Variants in BBS9 observed in about 807,000 individuals in gnomAD.
BBS9 encodes protein PTHB1.
BBS9 carries 89 observed loss-of-function variants against 117.7 expected under a neutral mutation model. The ratio of observed to expected loss-of-function variants is 0.76; its 90% confidence interval spans 0.64 to 0.90. The LOEUF (loss-of-function observed/expected upper bound fraction) is 0.90. Among genes scored for constraint, BBS9 ranks in the 40% least tolerant of loss-of-function variants. The probability of loss-of-function intolerance (pLI) is 0.00; values close to 1 mark genes in which losing one functional copy is unlikely to be tolerated. For synonymous variants in BBS9, 379 were observed against 370.9 expected, an observed-to-expected ratio of 1.02 and a Z score of -0.25; for missense variants, 982 against 1,042.2, an observed-to-expected ratio of 0.94 and a Z score of 0.80.
At chr7:33,612,637 T>C (rs1223695128) in intron 21 of BBS9, among the ~76,000 whole-genome samples, 2 of 152,070 alleles carry the variant, frequency 1.3e-5, no homozygotes, top group Non-Finnish European at 2.9e-5. Flanking sequence ...GCTCATGTCA[T>C]CTCTCCCTTA....
At chr7:33,470,852 G>T (rs1489269990) in intron 19 of BBS9, among the ~76,000 whole-genome samples, 1 of 152,112 alleles carries the variant, frequency 6.6e-6, no homozygotes, top group African/African-American at 2.4e-5. Flanking sequence ...CATTCAGGGG[G>T]GTGTCCTGGG....
chr7:33,541,551 A>G (rs577649288), intron 21 of BBS9, among the ~76,000 whole-genome samples: 2 of 152,242 alleles, frequency 1.3e-5, no homozygotes, highest in Non-Finnish European at 2.9e-5. Context: ...AATAATCCAA[A>G]TATCCATCAA....
At chr7:33,471,901 C>A (rs1012908294) in intron 19 of BBS9, among the ~76,000 whole-genome samples, 1 of 152,186 alleles carries the variant, frequency 6.6e-6, no homozygotes, top group African/African-American at 2.4e-5. Context: ...GCTGGTAGAG[C>A]AGACTGGTAA....
intron 20 of BBS9, among the ~76,000 whole-genome samples, chr7:33,527,702 C>T (rs560266061): frequency 8.5e-5 from 13 of 152,334 alleles, no homozygotes; most frequent in Non-Finnish European, 1.3e-4. Flanking sequence ...AGAAATCACC[C>T]GTCTTCTGCG....
At chr7:33,225,579 T>C (rs1051336582) in intron 5 of BBS9, among the ~76,000 whole-genome samples, 4 of 152,192 alleles carry the variant, frequency 2.6e-5, no homozygotes, top group Non-Finnish European at 5.9e-5. Context: ...TCAACCCTTT[T>C]GACATAGCTT....
At chr7:33,585,728 C>T (rs1860776740) in intron 21 of BBS9, among the ~76,000 whole-genome samples, 1 of 151,950 alleles carries the variant, frequency 6.6e-6, no homozygotes, top group Non-Finnish European at 1.5e-5. Context: ...GGTTCATCAC[C>T]CCTCAAAACC....
At chr7:33,256,662 G>T (rs1385293811) in intron 5 of BBS9, among the ~76,000 whole-genome samples, 1 of 151,982 alleles carries the variant, frequency 6.6e-6, no homozygotes, top group African/African-American at 2.4e-5. Context: ...TGATATTCAA[G>T]GTAATAAAGA....
intron 21 of BBS9, among the ~76,000 whole-genome samples, chr7:33,550,473 T>G (rs1273842181): frequency 6.6e-6 from 1 of 152,190 alleles, no homozygotes; most frequent in Non-Finnish European, 1.5e-5. Flanking sequence ...ACACAACAAT[T>G]TGGCCTATTC....
At chr7:33,440,656 A>G (rs149687488) in intron 19 of BBS9, among the ~76,000 whole-genome samples, 67 of 152,346 alleles carry the variant, frequency 4.4e-4, no homozygotes, top group African/African-American at 1.5e-3. Context: ...CAAGTCATTT[A>G]TTAAGAACCT....
rs575461295 is a variant in BBS9, at chr7:33,210,026, T to TA, written c.442+32436dup. ...TTTATTCTTTTTTGATGTAGGCACT[T>TA]ATAGCTATAAAATTTCCTTTTAGTA... On this transcript the variant is annotated intron_variant, in intron 5 of 22. Transcript: ENST00000242067. Among the ~76,000 whole-genome samples the TA allele has an allele frequency of 6.3e-4, 96 of 152,324 alleles. 1 individual carries two copies. In the East Asian group the frequency reaches 7.5e-3, roughly 12 times the overall value.
intron 20 of BBS9, among the ~76,000 whole-genome samples, chr7:33,506,012 C>T (rs965749609): frequency 6.6e-6 from 1 of 152,180 alleles, no homozygotes; most frequent in African/African-American, 2.4e-5. Flanking sequence ...TTAATTTGCT[C>T]AACCTTCTTA....
At chr7:33,577,304 C>T (rs1859076310) in intron 21 of BBS9, among the ~76,000 whole-genome samples, 1 of 152,176 alleles carries the variant, frequency 6.6e-6, no homozygotes, top group African/African-American at 2.4e-5. Flanking sequence ...TGAAAAAATG[C>T]TCATCATCAC....
intron 5 of BBS9, among the ~76,000 whole-genome samples, chr7:33,208,795 T>C (rs2128222193): frequency 1.5e-5 from 1 of 64,912 alleles, no homozygotes; most frequent in East Asian, 3.3e-4. Flanking sequence ...TTCAGGAAAA[T>C]TCTGTTTTTT....
intron 17 of BBS9, among the ~76,000 whole-genome samples, chr7:33,374,765 G>T (rs1165294001): frequency 6.6e-6 from 1 of 151,980 alleles, no homozygotes; most frequent in African/African-American, 2.4e-5. Flanking sequence ...GCTGGGCATG[G>T]TGATACCTGC....
intron 21 of BBS9, among the ~76,000 whole-genome samples, chr7:33,595,467 A>G (rs1306767862): frequency 1.3e-5 from 2 of 152,222 alleles, no homozygotes; most frequent in Non-Finnish European, 2.9e-5. Flanking sequence ...GAGGAATGCA[A>G]ATCAAAACTA....
At chr7:33,634,974 T>C (rs1308497262) in intron 21 of BBS9, among the ~76,000 whole-genome samples, 3 of 152,228 alleles carry the variant, frequency 2.0e-5, no homozygotes, top group Non-Finnish European at 4.4e-5. Flanking sequence ...GTTGAAATTC[T>C]CTTTTGGTGT....
intron 5 of BBS9, among the ~76,000 whole-genome samples, chr7:33,193,412 C>T (rs1484420714): frequency 7.2e-6 from 1 of 138,492 alleles, no homozygotes; most frequent in African/African-American, 2.7e-5. Context: ...TCCCCTGTCC[C>T]TCTCTCTGCC....
chr7:33,190,508 T>C (rs1463488964), intron 5 of BBS9, among the ~76,000 whole-genome samples: 2 of 152,228 alleles, frequency 1.3e-5, no homozygotes, highest in Non-Finnish European at 2.9e-5. Flanking sequence ...AACTAACAGT[T>C]GGCTTAAGCA....
At chr7:33,152,332 G>A (rs1488523230) in intron 2 of BBS9, among the ~76,000 whole-genome samples, 1 of 152,106 alleles carries the variant, frequency 6.6e-6, no homozygotes, top group Admixed American at 6.6e-5. Flanking sequence ...GTTTTCGACA[G>A]CCACAAGCAG....
Sources: gnomAD v4.1 joint callset for allele counts (sites outside exome capture counted in the v4.1 genomes callset) on GRCh38, gnomAD v4.1.1 for gene constraint, MANE v1.5 for transcripts, NCBI Gene and HGNC (gene_info 2026-07-23, HGNC 2026-07-21) for gene names.